Variants in ADPGK observed in about 807,000 individuals in gnomAD.
ADPGK encodes ADP dependent glucokinase.
ADPGK carries 26 observed loss-of-function variants against 42.4 expected under a neutral mutation model. That is an observed-to-expected ratio of 0.61 (90% confidence interval 0.45 to 0.85). The LOEUF (loss-of-function observed/expected upper bound fraction) is 0.85. ADPGK is among the 40% of genes least tolerant of loss of function. The probability of loss-of-function intolerance (pLI) is 0.00; values close to 1 mark genes in which losing one functional copy is unlikely to be tolerated. For synonymous variants in ADPGK, 267 were observed against 252.6 expected (o/e 1.06, Z -0.54); for missense variants, 571 against 627.0 (o/e 0.91, Z 0.95).
At position 72,783,697 on chromosome 15, in the gene ADPGK, C is replaced by G; in HGVS notation, c.-6G>C. The G allele has an allele frequency of 1.4e-6, 2 of 1,467,952 alleles. No homozygotes were observed. The highest frequency in any genetic ancestry group is 1.3e-5 in the South Asian group (1 of 75,634). The allele number at this position is 1,467,952 out of a possible 1,614,324, so 90.9% of individuals were successfully genotyped here. On this transcript the variant is annotated 5_prime_UTR_variant, in exon 1 of 7. Transcript: ENST00000456471. ...GAGCCGCGCCACAGCGCCATGGGGA[C>G]CCAGGCGCCGCACCTGCGCGAACCA... is the stretch of plus-strand genomic sequence containing the variant.
chr15:72,773,520 A>AC (rs1195305824), intron 2 of ADPGK, among the ~76,000 whole-genome samples: 4 of 152,206 alleles, frequency 2.6e-5, no homozygotes, highest in Non-Finnish European at 5.9e-5. Context: ...ATGAAAAGGC[A>AC]CTCCTCTAGT....
At chr15:72,771,968 T>C in intron 2 of ADPGK, 123 bp from the exon 3 acceptor site, 1 of 670,126 alleles carries the variant, frequency 1.5e-6, no homozygotes, top group Non-Finnish European at 2.3e-6. Context: ...GAGGTGATTT[T>C]ACATCAAAGG....
chr15:72,768,997 G>C (rs1271087516), intron 3 of ADPGK, among the ~76,000 whole-genome samples: 1 of 147,436 alleles, frequency 6.8e-6, no homozygotes, highest in African/African-American at 2.5e-5. Flanking sequence ...AAAAATTGAA[G>C]AGGGGGAAAC....
At position 72,755,851 on chromosome 15, in the gene ADPGK, T is replaced by G. The variant is rs1346555012; in HGVS notation, c.841-197A>C. 7 of 659,042 alleles carry G rather than the reference T, an allele frequency of 1.1e-5. No individual in the cohort carries two copies. The East Asian group carries it at 1.4e-4, about 14-fold the overall frequency. 40.8% of individuals were successfully genotyped at this position (659,042 alleles called of 1,614,324 possible). On this transcript the variant is annotated intron_variant, in intron 5 of 6. Transcript: ENST00000456471. ...CTTCCCACCAGGGAAGACTAGGCTG[T>G]GCAGAGCCATCAGGGATACAGAATC...
chr15:72,760,289 T>C lies in ADPGK; in HGVS notation c.643+118A>G, dbSNP rs141406079. ...CCAATAGGTCAGGAAACTTTCAGTA[T>C]GGCAAAAACAGGATCCTGCTAATTT... On this transcript the variant is annotated intron_variant, in intron 4 of 6. Coordinates refer to ENST00000456471, the MANE Select transcript of ADPGK (RefSeq NM_001365225.1). 13 of 1,320,888 alleles carry C rather than the reference T, an allele frequency of 9.8e-6. No homozygotes were observed. In the African/African-American group the frequency reaches 1.0e-4, roughly 10 times the overall value. 81.8% of individuals were successfully genotyped at this position (1,320,888 alleles called of 1,614,324 possible).
At chr15:72,757,992 G>C (rs1248072091) in intron 4 of ADPGK, 2 of 1,354,592 alleles carry the variant, frequency 1.5e-6, no homozygotes. Context: ...CAAGGCAGCA[G>C]ATGCCAAGAG....
intron 1 of ADPGK, among the ~76,000 whole-genome samples, chr15:72,782,674 T>C (rs1166982318): frequency 6.6e-6 from 1 of 151,710 alleles, no homozygotes; most frequent in Non-Finnish European, 1.5e-5. Context: ...GCCCCAACAC[T>C]CCACAGAAAG....
At chr15:72,778,566 T>C (rs140379362) in intron 1 of ADPGK, among the ~76,000 whole-genome samples, 3,975 of 151,904 alleles carry the variant, frequency 0.026, 59 homozygotes, top group Non-Finnish European at 0.036. Context: ...AACTAGAAAA[T>C]AGGTCAAGAC....
intron 5 of ADPGK, 61 bp downstream of exon 5, chr15:72,756,190 G>A (rs2066111127): frequency 1.3e-6 from 2 of 1,594,776 alleles, no homozygotes; most frequent in African/African-American, 1.3e-5. Flanking sequence ...TGCCAAGAGA[G>A]GCTGGAACCT....
intron 1 of ADPGK, among the ~76,000 whole-genome samples, chr15:72,781,707 G>A (rs952758226): frequency 6.6e-6 from 1 of 152,194 alleles, no homozygotes; most frequent in African/African-American, 2.4e-5. Context: ...AGGCATTAAG[G>A]CTTCTGCCTG....
chr15:72,772,641 C>T (rs1028434935), intron 2 of ADPGK, among the ~76,000 whole-genome samples: 5 of 152,060 alleles, frequency 3.3e-5, no homozygotes, highest in Non-Finnish European at 5.9e-5. Context: ...CTAGGTCCTT[C>T]GGGGCAGGGA....
At chr15:72,782,771 G>C (rs964980056) in intron 1 of ADPGK, 1 of 152,156 alleles carries the variant, frequency 6.6e-6, no homozygotes, top group Admixed American at 6.5e-5. Flanking sequence ...ATCGAACTGA[G>C]ACAGGGACTA....
chr15:72,774,132 T>C (rs897699602), intron 2 of ADPGK, among the ~76,000 whole-genome samples: 2 of 152,196 alleles, frequency 1.3e-5, no homozygotes, highest in Non-Finnish European at 2.9e-5. Context: ...CGTGAGCCAC[T>C]GTGCCCGGCC....
At chr15:72,756,725 C>T in intron 4 of ADPGK, 1 of 466,676 alleles carries the variant, frequency 2.1e-6, no homozygotes, top group East Asian at 4.0e-5. Flanking sequence ...GAGAGCCCTA[C>T]TTGAGCTCTC....
chr15:72,768,593 G>A (rs544922864), intron 3 of ADPGK, among the ~76,000 whole-genome samples: 9 of 152,112 alleles, frequency 5.9e-5, no homozygotes, highest in African/African-American at 2.2e-4. Context: ...ACTTGAACCT[G>A]AGAGACGGAC....
At chr15:72,766,434 T>C (rs550488129) in intron 3 of ADPGK, among the ~76,000 whole-genome samples, 1 of 152,282 alleles carries the variant, frequency 6.6e-6, no homozygotes, top group African/African-American at 2.4e-5. Flanking sequence ...GCCACCACCC[T>C]GATCAGCCAG....
intron 1 of ADPGK, among the ~76,000 whole-genome samples, chr15:72,776,680 TA>T (rs2066396501): frequency 6.6e-6 from 1 of 152,192 alleles, no homozygotes; most frequent in East Asian, 1.9e-4. Context: ...AGATATTATT[TA>T]CATCACTTAA....
At chr15:72,778,497 C>A (rs1423116665) in intron 1 of ADPGK, among the ~76,000 whole-genome samples, 1 of 151,996 alleles carries the variant, frequency 6.6e-6, no homozygotes, top group African/African-American at 2.4e-5. Context: ...CAGAAGCTCA[C>A]ACTTCAGTAA....
At chr15:72,781,105 A>G (rs1477351066) in intron 1 of ADPGK, among the ~76,000 whole-genome samples, 2 of 152,140 alleles carry the variant, frequency 1.3e-5, no homozygotes, top group Admixed American at 1.3e-4. Flanking sequence ...AGATTCTGAT[A>G]CAAGTACTAC....
Sources: allele counts gnomAD v4.1 joint callset (sites outside exome capture counted in the v4.1 genomes callset), GRCh38; gene constraint gnomAD v4.1.1; transcripts MANE v1.5; gene names NCBI Gene and HGNC (gene_info 2026-07-23, HGNC 2026-07-21).